The following RASAL2 variants were observed in gnomAD, a reference collection of about 807,000 sequenced individuals.
The protein encoded by RASAL2 is ras GTPase-activating protein nGAP.
Under a neutral mutation model 128.9 loss-of-function variants are expected in RASAL2, and 58 were observed. The observed-to-expected ratio is 0.45, with a 90% CI of 0.36 to 0.56. The LOEUF is 0.56. RASAL2 is among the 20% of genes least tolerant of loss of function. The pLI, the probability that RASAL2 is intolerant of heterozygous loss-of-function variation, is 0.00. For missense variants in RASAL2, 1,360 were observed against 1,601.6 expected, an observed-to-expected ratio of 0.85 and a Z score of 2.57; for synonymous variants, 561 against 580.8, an observed-to-expected ratio of 0.97 and a Z score of 0.49.
Position 178,373,274 on chromosome 1 carries a change from C to CTTTTTTTTTTTTTTTTTTT in RASAL2, c.458-16811_458-16810insTTTTTTTTTTTTTTTTTTT, listed in dbSNP as rs60835442. Among the ~76,000 whole-genome samples, 149 of 59,946 alleles carry CTTTTTTTTTTTTTTTTTTT rather than the reference C, an allele frequency of 2.5e-3. 11 individuals carry two copies. Among genetic ancestry groups the CTTTTTTTTTTTTTTTTTTT allele is most frequent in the Non-Finnish European group, 2.9e-3 (96 of 33,248 alleles). 39.3% of individuals were successfully genotyped at this position (59,946 alleles called of 152,430 possible). On this transcript the variant is annotated intron_variant, in intron 3 of 17. Transcript: ENST00000367649. ...TCAATCTTAGCATTCTGTTTCTTTCCTTTTTTTTTTTTTTTGCAGTTTAGA... is the reference window on the plus strand; with the variant it reads ...TCAATCTTAGCATTCTGTTTCTTTCCTTTTTTTTTTTTTTTTTTTTTTTTTTTTTTTTTTGCAGTTTAGA...
At chr1:178,102,045 T>C (rs1658920683) in intron 1 of RASAL2, among the ~76,000 whole-genome samples, 1 of 151,892 alleles carries the variant, frequency 6.6e-6, no homozygotes. Context: ...ATATTTTTCC[T>C]AAGCTTATTA....
chr1:178,456,741 G>A lies in RASAL2; in HGVS notation c.2232G>A (p.Gly744=), dbSNP rs1316358329. The change falls in exon 13 of 18, where the codon GGG becomes GGA. Residue 744 remains glycine (G), a synonymous_variant. Transcript: ENST00000367649. ...QLDKATVAKL[G]PLPRVLADIT... is the part of the protein sequence containing the mutation. ...TACAGGCGACCGTGGCAAAATTGGG[G>A]CCTCTCCCTCGTGTTCTTGCTGATA... 6.2e-7 allele frequency: 1 copy of A among 1,614,072 alleles called. No individual in the cohort carries two copies. Among genetic ancestry groups the A allele is most frequent in the Non-Finnish European group, 8.5e-7 (1 of 1,180,020 alleles).
At chr1:178,125,899 A>G (rs1659881241) in intron 1 of RASAL2, among the ~76,000 whole-genome samples, 1 of 152,190 alleles carries the variant, frequency 6.6e-6, no homozygotes. Flanking sequence ...TTGTTGATAT[A>G]GTACATATTT....
chr1:178,387,933 T>C (rs1672678139), intron 3 of RASAL2, among the ~76,000 whole-genome samples: 1 of 152,212 alleles, frequency 6.6e-6, no homozygotes, highest in African/African-American at 2.4e-5. Context: ...TAAAATTGGA[T>C]GTATGGAAGA....
In RASAL2 at chr1:178,175,669, T is replaced by G. The variant is rs942932585; in HGVS notation, c.202+80975T>G. Among the ~76,000 whole-genome samples, 33 of 85,982 alleles carry G rather than the reference T, an allele frequency of 3.8e-4. 1 individual carries two copies. The highest frequency in any genetic ancestry group is 3.2e-3 in the Admixed American group (28 of 8,726). The allele number at this position is 85,982 out of a possible 152,430, so 56.4% of individuals were successfully genotyped here. On this transcript the variant is annotated intron_variant, in intron 1 of 17. Transcript: ENST00000367649. ...GTGTACATTGTACCCTATATGTAGG[T>G]TTTTTTTTTTGTCTCTCACCCCACT...
At position 178,475,863 on chromosome 1, in the gene RASAL2, T is replaced by C. The variant is rs923258912; in HGVS notation, c.*2624T>C. 2 of 152,068 alleles carry C rather than the reference T, an allele frequency of 1.3e-5. No homozygotes were observed. The highest frequency in any genetic ancestry group is 1.3e-4 in the Admixed American group (2 of 15,278). The allele number at this position is 152,068 out of a possible 1,614,324, so 9.4% of individuals were successfully genotyped here. ...TTACCAATAAGCTAAAAGTTCAGAG[T>C]TGCTGATAGATGTTAAATGTTAAGT... is the stretch of plus-strand genomic sequence containing the variant. On this transcript the variant is annotated 3_prime_UTR_variant, in exon 18 of 18. Transcript: ENST00000367649.
intron 1 of RASAL2, among the ~76,000 whole-genome samples, chr1:178,163,140 A>G (rs757956414): frequency 8.1e-5 from 12 of 148,610 alleles, no homozygotes; most frequent in Non-Finnish European, 1.6e-4. Flanking sequence ...GCTAATTTTT[A>G]TATTTTTAGT....
intron 4 of RASAL2, among the ~76,000 whole-genome samples, chr1:178,415,576 T>C (rs952642995): frequency 6.6e-6 from 1 of 152,148 alleles, no homozygotes; most frequent in African/African-American, 2.4e-5. Flanking sequence ...ATGTCAATTA[T>C]ATCCAGTTGA....
At chr1:178,150,347 G>A (rs913811302) in intron 1 of RASAL2, among the ~76,000 whole-genome samples, 1 of 151,826 alleles carries the variant, frequency 6.6e-6, no homozygotes, top group African/African-American at 2.4e-5. Flanking sequence ...CCTCACGCCT[G>A]GCTAATTTTT....
chr1:178,410,214 AG>A, intron 4 of RASAL2, among the ~76,000 whole-genome samples: 1 of 152,128 alleles, frequency 6.6e-6, no homozygotes, highest in East Asian at 1.9e-4. Context: ...ACATGTGATT[AG>A]GGAGGAAATC....
At position 178,464,567 on chromosome 1, in the gene RASAL2, GGTGTGTGTGTGT is replaced by G. The variant is rs58822651; in HGVS notation, c.3387+177_3387+188del. Among the ~76,000 whole-genome samples the G allele has an allele frequency of 3.0e-3, 435 of 145,116 alleles. 2 individuals carry two copies. Among genetic ancestry groups the G allele is most frequent in the Middle Eastern group, 0.011 (3 of 280 alleles). On this transcript the variant is annotated intron_variant, in intron 15 of 17. Transcript: ENST00000367649. The stretch of plus-strand genomic sequence containing the variant: ...ACATATCTATGTAAAATAGGTCAGT[GGTGTGTGTGTGT>G]GTGTGTGTGTGTGTGTGTGTGAATA...
intron 3 of RASAL2, among the ~76,000 whole-genome samples, chr1:178,369,782 T>C (rs936867022): frequency 6.6e-6 from 1 of 152,218 alleles, no homozygotes; most frequent in African/African-American, 2.4e-5. Context: ...TAAACAGTTA[T>C]AAATCTACTA....
At chr1:178,220,827 A>G (rs1435596318) in intron 1 of RASAL2, among the ~76,000 whole-genome samples, 1 of 152,210 alleles carries the variant, frequency 6.6e-6, no homozygotes, top group African/African-American at 2.4e-5. Flanking sequence ...GTCTACTGAA[A>G]GACATGTTGG....
At chr1:178,282,833 C>T (rs1666846708) in intron 1 of RASAL2, among the ~76,000 whole-genome samples, 1 of 152,064 alleles carries the variant, frequency 6.6e-6, no homozygotes, top group East Asian at 1.9e-4. Flanking sequence ...AATATGTGCC[C>T]AGTTCCAGCA....
intron 4 of RASAL2, among the ~76,000 whole-genome samples, chr1:178,392,436 C>T (rs926664515): frequency 6.6e-6 from 1 of 152,056 alleles, no homozygotes; most frequent in African/African-American, 2.4e-5. Flanking sequence ...GGGCAAAAAT[C>T]GCAGGTGAGA....
chr1:178,346,412 A>G (rs1670157988), intron 3 of RASAL2, among the ~76,000 whole-genome samples: 1 of 152,090 alleles, frequency 6.6e-6, no homozygotes, highest in African/African-American at 2.4e-5. Flanking sequence ...TTAAAAAAAA[A>G]AAAGAAAGAA....
intron 3 of RASAL2, among the ~76,000 whole-genome samples, chr1:178,300,804 T>C (rs1266213014): frequency 6.6e-6 from 1 of 152,194 alleles, no homozygotes; most frequent in Non-Finnish European, 1.5e-5. Context: ...ATCAGACTGG[T>C]CAGGTAATTT....
intron 8 of RASAL2, among the ~76,000 whole-genome samples, chr1:178,444,424 A>G (rs1345220416): frequency 6.6e-6 from 1 of 152,188 alleles, no homozygotes; most frequent in Non-Finnish European, 1.5e-5. Context: ...TTATACTGTT[A>G]AGCTGCCCCA....
intron 1 of RASAL2, among the ~76,000 whole-genome samples, chr1:178,116,094 A>G (rs1312803550): frequency 6.6e-6 from 1 of 152,208 alleles, no homozygotes; most frequent in African/African-American, 2.4e-5. Context: ...ACCCAGCACA[A>G]ATAGAACTTC....
Sources: gnomAD v4.1 joint callset for allele counts (sites outside exome capture counted in the v4.1 genomes callset) on GRCh38, gnomAD v4.1.1 for gene constraint, MANE v1.5 for transcripts, NCBI Gene and HGNC (gene_info 2026-07-23, HGNC 2026-07-21) for gene names.